The following PCDH15 variants were observed in gnomAD, a reference collection of about 807,000 sequenced individuals.
The protein encoded by PCDH15 is protocadherin-15.
Under a neutral mutation model 178.5 loss-of-function variants are expected in PCDH15, and 129 were observed. The observed-to-expected ratio is 0.72, with a 90% CI of 0.63 to 0.84. PCDH15 has a LOEUF of 0.84. Ranked by LOEUF, PCDH15 falls within the 40% of genes least tolerant of loss-of-function variation. The pLI, the probability that PCDH15 is intolerant of heterozygous loss-of-function variation, is 0.00. For missense variants in PCDH15, 2,230 were observed against 2,099.9 expected (o/e 1.06, Z -1.21); for synonymous variants, 800 against 732.0 (o/e 1.09, Z -1.50).
chr10:53,852,573 G>A (rs1280270082), intron 28 of PCDH15, among the ~76,000 whole-genome samples: 2 of 152,048 alleles, frequency 1.3e-5, no homozygotes, highest in Non-Finnish European at 2.9e-5. Context: ...TTTATTACAA[G>A]CATTCCATTT....
At chr10:55,540,924 T>C (rs2132076031) in intron 2 of PCDH15, among the ~76,000 whole-genome samples, 1 of 152,176 alleles carries the variant, frequency 6.6e-6, no homozygotes, top group East Asian at 1.9e-4. Flanking sequence ...ATATAAAGCT[T>C]GCATTATTAA....
At chr10:55,071,060 T>A (rs1591877881) in intron 2 of PCDH15, among the ~76,000 whole-genome samples, 1 of 152,198 alleles carries the variant, frequency 6.6e-6, no homozygotes, top group East Asian at 1.9e-4. Flanking sequence ...AGAGATTCTG[T>A]CACCACCAGG....
intron 21 of PCDH15, among the ~76,000 whole-genome samples, chr10:53,966,502 TAGGTAA>T (rs1325358783): frequency 6.6e-6 from 1 of 152,128 alleles, no homozygotes; most frequent in African/African-American, 2.4e-5. Context: ...AGCTATATAA[TAGGTAA>T]AGGTAATAGG....
chr10:55,589,906 G>A (rs1248472744), intron 2 of PCDH15, among the ~76,000 whole-genome samples: 9 of 148,662 alleles, frequency 6.1e-5, no homozygotes, highest in South Asian at 2.2e-4. Flanking sequence ...TCAGTGTGGC[G>A]ATTCCTCAGG....
intron 1 of PCDH15, among the ~76,000 whole-genome samples, chr10:54,682,311 G>C (rs762108452): frequency 4.0e-4 from 61 of 152,046 alleles, no homozygotes; most frequent in Non-Finnish European, 6.2e-4. Flanking sequence ...AAAACACTTG[G>C]ATAGTAGCAA....
At chr10:54,848,748 T>C (rs932942778) in intron 3 of PCDH15, among the ~76,000 whole-genome samples, 1 of 152,250 alleles carries the variant, frequency 6.6e-6, no homozygotes, top group Non-Finnish European at 1.5e-5. Context: ...GCCTCCATTA[T>C]TTTAGAAACT....
chr10:54,998,860 T>C (rs1839717248), intron 2 of PCDH15, among the ~76,000 whole-genome samples: 1 of 152,196 alleles, frequency 6.6e-6, no homozygotes, highest in Non-Finnish European at 1.5e-5. Flanking sequence ...TTAAAGATAT[T>C]CAGTTGTATA....
intron 13 of PCDH15, among the ~76,000 whole-genome samples, chr10:54,175,000 T>C (rs757392597): frequency 6.6e-6 from 1 of 152,080 alleles, no homozygotes; most frequent in Non-Finnish European, 1.5e-5. Context: ...AGAAATGGAG[T>C]GGTCTTTAGA....
At chr10:54,266,487 A>G (rs1172883210) in intron 8 of PCDH15, among the ~76,000 whole-genome samples, 2 of 151,930 alleles carry the variant, frequency 1.3e-5, no homozygotes, top group Non-Finnish European at 2.9e-5. Flanking sequence ...TCGAGATTCA[A>G]AAATCCATAC....
At chr10:55,393,293 T>A (rs192093390) in intron 2 of PCDH15, among the ~76,000 whole-genome samples, 1 of 152,256 alleles carries the variant, frequency 6.6e-6, no homozygotes, top group East Asian at 1.9e-4. Context: ...ATAATTCATA[T>A]TTCAAACAAA....
At chr10:55,260,469 A>G (rs1842120223) in intron 1 of PCDH15, among the ~76,000 whole-genome samples, 1 of 151,972 alleles carries the variant, frequency 6.6e-6, no homozygotes, top group Non-Finnish European at 1.5e-5. Flanking sequence ...TCCAAAATTG[A>G]TTAAAAGAAA....
chr10:55,341,805 ATTTTTTTTTTTTTTTTT>A (rs869187882), intron 2 of PCDH15, among the ~76,000 whole-genome samples: 157 of 16,238 alleles, frequency 9.7e-3, no homozygotes, highest in Admixed American at 0.022. Flanking sequence ...ATATATATAT[ATTTTTTTTTTTTTTTTT>A]TTTTTTTTTA....
At chr10:53,811,194 A>G (rs1293135688) in intron 36 of PCDH15, among the ~76,000 whole-genome samples, 2 of 152,198 alleles carry the variant, frequency 1.3e-5, no homozygotes, top group Non-Finnish European at 2.9e-5. Flanking sequence ...CTCTTGGGCA[A>G]AACTTTAAAC....
At chr10:55,199,858 A>G (rs2132157258) in intron 1 of PCDH15, among the ~76,000 whole-genome samples, 1 of 152,192 alleles carries the variant, frequency 6.6e-6, no homozygotes, top group South Asian at 2.1e-4. Flanking sequence ...TGGCTTCCAC[A>G]TGGTGTTGGG....
At chr10:54,872,718 A>AT (rs903572487) in intron 3 of PCDH15, among the ~76,000 whole-genome samples, 5 of 152,074 alleles carry the variant, frequency 3.3e-5, no homozygotes, top group African/African-American at 1.2e-4. Context: ...AGATTATGAG[A>AT]TTTTTGTCAC....
rs554385200 is a variant in PCDH15, at chr10:53,880,213, A to G, written c.3502-13356T>C. 1.1e-4 allele frequency among the ~76,000 whole-genome samples: 17 copies of G among 152,330 alleles called. No individual in the cohort carries two copies. The East Asian group carries it at 2.5e-3, about 22-fold the overall frequency. ...TAATGAAGACTTCACAGTTCATAAT[A>G]AACATCTATTTTAAAATTACATGGC... is the stretch of plus-strand genomic sequence containing the variant. On this transcript the variant is annotated intron_variant, in intron 26 of 37. Transcript: ENST00000644397.
chr10:54,394,194 A>G (rs1950905285), intron 3 of PCDH15, among the ~76,000 whole-genome samples: 1 of 152,158 alleles, frequency 6.6e-6, no homozygotes, highest in Non-Finnish European at 1.5e-5. Flanking sequence ...CATAAATTAC[A>G]TGAATCTATT....
intron 2 of PCDH15, among the ~76,000 whole-genome samples, chr10:54,578,062 C>G (rs1257948894): frequency 3.3e-5 from 5 of 152,036 alleles, no homozygotes; most frequent in Non-Finnish European, 5.9e-5. Flanking sequence ...AAGTTTAATA[C>G]TTTATCACAA....
intron 15 of PCDH15, among the ~76,000 whole-genome samples, chr10:54,114,986 T>C (rs1196937849): frequency 6.6e-6 from 1 of 152,148 alleles, no homozygotes; most frequent in African/African-American, 2.4e-5. Context: ...GTAATTTTTT[T>C]AAAAAGTATT....
Sources: allele counts gnomAD v4.1 joint callset (sites outside exome capture counted in the v4.1 genomes callset), GRCh38; gene constraint gnomAD v4.1.1; transcripts MANE v1.5; gene names NCBI Gene and HGNC (gene_info 2026-07-23, HGNC 2026-07-21).